CPEB1: variants seen among roughly 807,000 people sequenced by gnomAD.
The protein encoded by CPEB1 is cytoplasmic polyadenylation element binding protein 1.
CPEB1 carries 7 observed loss-of-function variants against 65.8 expected under a neutral mutation model. The observed-to-expected ratio is 0.11, with a 90% CI of 0.06 to 0.20. The LOEUF (loss-of-function observed/expected upper bound fraction) is 0.20, where lower values mean the gene tolerates loss of function less well. Among genes scored for constraint, CPEB1 ranks in the 10% least tolerant of loss-of-function variants. The probability of loss-of-function intolerance (pLI) is 1.00; values close to 1 mark genes in which losing one functional copy is unlikely to be tolerated. For synonymous variants in CPEB1, 262 were observed against 260.0 expected (o/e 1.01, Z -0.08); for missense variants, 551 against 712.2 (o/e 0.77, Z 2.58).
intron 3 of CPEB1, among the ~76,000 whole-genome samples, chr15:82,582,760 G>A (rs1288361751): frequency 2.6e-5 from 1 of 39,214 alleles, no homozygotes; most frequent in African/African-American, 9.4e-5. Flanking sequence ...TTTTTTTTTT[G>A]AGACACAGTC....
intron 4 of CPEB1, among the ~76,000 whole-genome samples, chr15:82,565,224 T>C (rs1026112945): frequency 2.0e-5 from 3 of 152,098 alleles, no homozygotes; most frequent in Admixed American, 6.5e-5. Flanking sequence ...TGTACCTCTA[T>C]AGGGTCTGGC....
intron 3 of CPEB1, chr15:82,573,141 A>T: frequency 6.5e-7 from 1 of 1,535,486 alleles, no homozygotes; most frequent in Non-Finnish European, 8.7e-7. Flanking sequence ...TGCCACAGAA[A>T]TAGCTGTTCA....
rs866936439 is a variant in CPEB1, at chr15:82,638,969, G to A, written c.-98+8168C>T. 2.2e-4 allele frequency among the ~76,000 whole-genome samples: 34 copies of A among 152,256 alleles called. No individual in the cohort carries two copies. In the Middle Eastern group the frequency reaches 0.01, roughly 46 times the overall value. On this transcript the variant is annotated intron_variant, in intron 1 of 12. Transcript: ENST00000684509. The stretch of plus-strand genomic sequence containing the variant: ...TGTTTTACTCACCCCCATTGCTTTT[G>A]CACTATCGGTACAAATGTCAACACA...
intron 3 of CPEB1, among the ~76,000 whole-genome samples, chr15:82,593,625 C>T (rs1255315220): frequency 2.6e-5 from 4 of 152,196 alleles, no homozygotes; most frequent in Non-Finnish European, 5.9e-5. Context: ...CACAAATGTT[C>T]TTAACAGTAT....
At chr15:82,557,680 T>C (rs889222055) in intron 5 of CPEB1, 80 bp downstream of exon 5, 12 of 1,199,492 alleles carry the variant, frequency 1.0e-5, no homozygotes, top group East Asian at 7.0e-5. Context: ...AGGCATCCCA[T>C]AGATATTGTA....
intron 3 of CPEB1, among the ~76,000 whole-genome samples, chr15:82,574,026 A>G (rs2040376879): frequency 6.6e-6 from 1 of 152,120 alleles, no homozygotes; most frequent in Non-Finnish European, 1.5e-5. Flanking sequence ...CCAAGCTGAA[A>G]GACCCCAGGC....
chr15:82,582,431 C>T (rs1004347202), intron 3 of CPEB1, among the ~76,000 whole-genome samples: 1 of 152,124 alleles, frequency 6.6e-6, no homozygotes, highest in African/African-American at 2.4e-5. Context: ...GCTTAAAGAC[C>T]ACCTTGTCAA....
upstream of CPEB1, chr15:82,648,536 T>G (rs1428852004): frequency 3.3e-5 from 5 of 152,432 alleles, no homozygotes; most frequent in East Asian, 9.7e-4. Context: ...GGACCGGAGT[T>G]CTCCGGAGAA....
chr15:82,607,682 CTG>C (rs2043750996), intron 3 of CPEB1, among the ~76,000 whole-genome samples: 1 of 152,116 alleles, frequency 6.6e-6, no homozygotes, highest in Admixed American at 6.6e-5. Context: ...GGTAGAATAA[CTG>C]TGCCTATTAC....
At chr15:82,565,894 T>C (rs531149792) in intron 4 of CPEB1, among the ~76,000 whole-genome samples, 33 of 152,300 alleles carry the variant, frequency 2.2e-4, no homozygotes, top group Non-Finnish European at 4.6e-4. Context: ...CCCATCCCCA[T>C]TCACATGCTG....
At chr15:82,631,022 A>G (rs2046200636) in intron 1 of CPEB1, among the ~76,000 whole-genome samples, 1 of 152,188 alleles carries the variant, frequency 6.6e-6, no homozygotes, top group South Asian at 2.1e-4. Flanking sequence ...TGAGTCTTAG[A>G]AGGAGACCAC....
At chr15:82,608,627 A>T (rs2043852359) in intron 3 of CPEB1, among the ~76,000 whole-genome samples, 1 of 152,190 alleles carries the variant, frequency 6.6e-6, no homozygotes, top group South Asian at 2.1e-4. Flanking sequence ...AGATTTCTGC[A>T]AGCTTTTGGT....
intron 3 of CPEB1, among the ~76,000 whole-genome samples, chr15:82,598,529 A>C (rs185094805): frequency 1.3e-5 from 2 of 151,974 alleles, no homozygotes; most frequent in African/African-American, 4.8e-5. Flanking sequence ...TCACGCCTAT[A>C]ATCTCAGTAT....
chr15:82,637,406 C>G (rs998989201), intron 1 of CPEB1, among the ~76,000 whole-genome samples: 2 of 152,098 alleles, frequency 1.3e-5, no homozygotes, highest in South Asian at 4.2e-4. Context: ...TTGGTTATAC[C>G]TGCCACAGCT....
intron 4 of CPEB1, among the ~76,000 whole-genome samples, chr15:82,570,913 T>C (rs1274996854): frequency 6.6e-6 from 1 of 152,234 alleles, no homozygotes; most frequent in East Asian, 1.9e-4. Context: ...TTCATATAAC[T>C]CCCTGGTTTT....
intron 3 of CPEB1, among the ~76,000 whole-genome samples, chr15:82,577,019 C>CG (rs2040721003): frequency 6.6e-6 from 1 of 152,024 alleles, no homozygotes. Context: ...AGTGAGACCC[C>CG]GTCTCCAAAA....
chr15:82,617,151 C>T (rs962414364), intron 3 of CPEB1, among the ~76,000 whole-genome samples: 26 of 152,204 alleles, frequency 1.7e-4, no homozygotes, highest in African/African-American at 5.1e-4. Context: ...TCTGTGCCAA[C>T]AGAATTATGT....
chr15:82,590,654 C>T (rs1567205749), intron 3 of CPEB1, among the ~76,000 whole-genome samples: 1 of 152,176 alleles, frequency 6.6e-6, no homozygotes, highest in African/African-American at 2.4e-5. Flanking sequence ...TTCTCCCACC[C>T]AACATCCTCA....
At chr15:82,579,587 T>TA (rs2041028541) in intron 3 of CPEB1, among the ~76,000 whole-genome samples, 1 of 152,294 alleles carries the variant, frequency 6.6e-6, no homozygotes, top group South Asian at 2.1e-4. Flanking sequence ...CTTTTGTTGT[T>TA]ACAGAGAAGG....
Sources: allele counts gnomAD v4.1 joint callset (sites outside exome capture counted in the v4.1 genomes callset), GRCh38; gene constraint gnomAD v4.1.1; transcripts MANE v1.5; gene names NCBI Gene and HGNC (gene_info 2026-07-23, HGNC 2026-07-21).